The following L3MBTL2 variants were observed in gnomAD, a reference collection of about 807,000 sequenced individuals.
The protein encoded by L3MBTL2 is L3MBTL histone methyl-lysine binding protein 2, also known as lethal(3)malignant brain tumor-like protein 2.
Under a neutral mutation model 86.4 loss-of-function variants are expected in L3MBTL2, and 49 were observed. That is an observed-to-expected ratio of 0.57 (90% CI 0.45 to 0.72). The LOEUF is 0.72. L3MBTL2 is among the 30% of genes least tolerant of loss of function. L3MBTL2 has a pLI of 0.00. For synonymous variants in L3MBTL2, 336 were observed against 350.6 expected (o/e 0.96, Z 0.47); for missense variants, 755 against 923.7 (o/e 0.82, Z 2.37).
chr22:41,225,116 G>A lies in L3MBTL2; in HGVS notation c.1356+45G>A, dbSNP rs1270094217. ...TCCAGCCTCCAGATTTCTGAGCGGG[G>A]GGACCCATGTGGCCCAGAGCTCTAA... On this transcript the variant is annotated intron_variant, in intron 11 of 16. Coordinates refer to ENST00000216237, the MANE Select transcript of L3MBTL2 (RefSeq NM_031488.5). The surrounding 1 kb of genome is among the most constrained non-coding windows in gnomAD (Gnocchi z 4.1). 2.0e-6 allele frequency: 3 copies of A among 1,527,578 alleles called. No individual in the cohort carries two copies. Among genetic ancestry groups the A allele is most frequent in the Admixed American group, 3.5e-5 (2 of 57,108 alleles). The allele number at this position is 1,527,578 out of a possible 1,614,324, so 94.6% of individuals were successfully genotyped here. A position where few individuals can be genotyped will look rare whatever the true frequency, so the allele number is the denominator to read the frequency against.
Position 41,210,147 on chromosome 22 carries a change from T to C in L3MBTL2, c.262+214T>C, listed in dbSNP as rs901736457. 44 of 378,074 alleles carry C rather than the reference T, an allele frequency of 1.2e-4. No homozygotes were observed. The Middle Eastern group carries it at 2.9e-3, about 25-fold the overall frequency. 23.4% of individuals were successfully genotyped at this position (378,074 alleles called of 1,614,324 possible). The stretch of plus-strand genomic sequence containing the variant: ...TCCTTTGCTGAAGTCTAATTTCTTT[T>C]TTTTTTTTTTTTTTTTTTTGAGACT... On this transcript the variant is annotated intron_variant, in intron 2 of 16. Transcript: ENST00000216237.
chr22:41,213,393 A>G (rs2031067851), intron 2 of L3MBTL2, among the ~76,000 whole-genome samples: 1 of 150,944 alleles, frequency 6.6e-6, no homozygotes, highest in South Asian at 2.1e-4. Context: ...TGGTGCAGTC[A>G]TGGCTCACTG....
At position 41,225,503 on chromosome 22, in the gene L3MBTL2, G is replaced by A. The variant is rs1003920059; in HGVS notation, c.1357-291G>A. 5.3e-5 allele frequency among the ~76,000 whole-genome samples: 8 copies of A among 152,150 alleles called. No homozygotes were observed. The highest frequency in any genetic ancestry group is 1.0e-4 in the Non-Finnish European group (7 of 68,026). On this transcript the variant is annotated intron_variant, in intron 11 of 16. Transcript: ENST00000216237. This position sits in a 1 kb window ranked among gnomAD's most constrained non-coding sequence, Gnocchi z 4.1. The stretch of plus-strand genomic sequence containing the variant: ...GAGGCTGCTGACTCGTCCTCGCCGC[G>A]GATCCGCTCCATGCCGGGCGCGTGT...
At chr22:41,211,852 C>CAGCTAGATCA (rs2030871099) in intron 2 of L3MBTL2, among the ~76,000 whole-genome samples, 1 of 138,688 alleles carries the variant, frequency 7.2e-6, no homozygotes, top group Admixed American at 7.5e-5. Flanking sequence ...CCACCGCACC[C>CAGCTAGATCA]GGCCTTTTTT....
At chr22:41,228,597 T>C in intron 15 of L3MBTL2, 1 of 844,010 alleles carries the variant, frequency 1.2e-6, no homozygotes, top group Non-Finnish European at 1.4e-6. Context: ...ACACCTGTAA[T>C]CCCATCACTT....
At position 41,227,377 on chromosome 22, in the gene L3MBTL2, C is replaced by T; in HGVS notation, c.1822+54C>T. 6 of 1,480,000 alleles carry T rather than the reference C, an allele frequency of 4.1e-6. No individual in the cohort carries two copies. The highest frequency in any genetic ancestry group is 5.5e-6 in the Non-Finnish European group (6 of 1,083,398). The allele number at this position is 1,480,000 out of a possible 1,614,324, so 91.7% of individuals were successfully genotyped here. On this transcript the variant is annotated intron_variant, in intron 14 of 16. Transcript: ENST00000216237. The surrounding 1 kb of genome is among the most constrained non-coding windows in gnomAD (Gnocchi z 6.0). ...CTGACTTTCTTTCCTCTTCTTTTTT[C>T]CTTCTTCCCCCGCCCCTGTGCCCAT... is the stretch of plus-strand genomic sequence containing the variant.
At chr22:41,208,561 C>A (rs745646104) in intron 1 of L3MBTL2, 5 of 247,118 alleles carry the variant, frequency 2.0e-5, no homozygotes, top group Non-Finnish European at 4.1e-5. Context: ...TTGCCCAAGG[C>A]CCTATAGCTA....
Position 41,221,351 on chromosome 22 carries a change from G to A in L3MBTL2, c.942+64G>A, listed in dbSNP as rs1456220271. On this transcript the variant is annotated intron_variant, in intron 8 of 16. Transcript: ENST00000216237. ...TCTTCCATTTTTCTGCATCCTGCATGCCACTCACTGGAGCATGTTACCTAA... is the reference window on the plus strand; with the variant it reads ...TCTTCCATTTTTCTGCATCCTGCATACCACTCACTGGAGCATGTTACCTAA... 9 of 1,339,160 alleles carry A rather than the reference G, an allele frequency of 6.7e-6. No homozygotes were observed. The African/African-American group carries it at 7.2e-5, about 11-fold the overall frequency. 83.0% of individuals were successfully genotyped at this position (1,339,160 alleles called of 1,614,324 possible). A position where few individuals can be genotyped will look rare whatever the true frequency, so the allele number is the denominator to read the frequency against.
chr22:41,224,857 G>C lies in L3MBTL2; in HGVS notation c.1251+56G>C. 1 of 1,565,706 alleles carries C rather than the reference G, an allele frequency of 6.4e-7. No homozygotes were observed. The highest frequency in any genetic ancestry group is 2.2e-5 in the East Asian group (1 of 44,558). On this transcript the variant is annotated intron_variant, in intron 10 of 16. Transcript: ENST00000216237. This position sits in a 1 kb window ranked among gnomAD's most constrained non-coding sequence, Gnocchi z 4.9. Reference sequence around the variant, plus strand: ...TCAGCCATGGGTCCATTCCGGGCCTGAGGGACCTGGCTCTTCCCCTGGGAC... The same window carrying C: ...TCAGCCATGGGTCCATTCCGGGCCTCAGGGACCTGGCTCTTCCCCTGGGAC...
chr22:41,225,380 C>T lies in L3MBTL2; in HGVS notation c.1356+309C>T, dbSNP rs1180228707. 2.6e-5 allele frequency among the ~76,000 whole-genome samples: 4 copies of T among 152,174 alleles called. No individual in the cohort carries two copies. The highest frequency in any genetic ancestry group is 7.2e-5 in the African/African-American group (3 of 41,444). On this transcript the variant is annotated intron_variant, in intron 11 of 16. Transcript: ENST00000216237. This position sits in a 1 kb window ranked among gnomAD's most constrained non-coding sequence, Gnocchi z 4.1. ...CTTGCTGTGTGCCATCTCCTTTGAG[C>T]GCTGGCCTAGGCAAGAGCCACAGCT...
intron 16 of L3MBTL2, 120 bp from the exon 17 acceptor site, chr22:41,230,019 G>A: frequency 6.7e-6 from 5 of 749,032 alleles, no homozygotes; most frequent in Non-Finnish European, 1.1e-5. Context: ...GAAGCTGGAG[G>A]GTGAAGGTGC....
In L3MBTL2 at chr22:41,220,819, C is replaced by T. The variant is rs750015826; in HGVS notation, c.804C>T (p.His268=). ...FWCNLGTVDV[H]PIGWCAINSK... The stretch of plus-strand genomic sequence containing the variant: ...GCAACCTGGGAACAGTGGATGTCCA[C>T]CCCATTGGCTGGTGTGCCATCAACA... The change falls in exon 7 of 17, where the codon CAC becomes CAT. Residue 268 remains histidine, a synonymous_variant. Transcript: ENST00000216237. 6.8e-6 allele frequency: 11 copies of T among 1,613,918 alleles called. No homozygotes were observed. In the African/African-American group the frequency reaches 1.3e-4, roughly 20 times the overall value.
rs1740435784 is a variant in L3MBTL2, at chr22:41,219,509, T to A, written c.691T>A (p.Trp231Arg). 8.1e-6 allele frequency: 13 copies of A among 1,613,542 alleles called. No homozygotes were observed. Among genetic ancestry groups the A allele is most frequent in the African/African-American group, 1.3e-5 (1 of 74,914 alleles). ...TGCTGTGCTCCCCAGCCGGGTGTAC[T>A]GGATCGCCTCTGTCATCCAGACAGC... The part of the protein sequence containing the change: ...SDAVLPSRVY[W>R]IASVIQTAGY... The change falls in exon 6 of 17, where the codon TGG becomes AGG. Residue 231 changes from tryptophan to arginine, a missense_variant. Physicochemically the swap from Trp to Arg is moderately radical, Grantham distance 101 (BLOSUM62 -3). Coordinates refer to ENST00000216237, the MANE Select transcript of L3MBTL2 (RefSeq NM_031488.5).
chr22:41,207,274 C>T (rs1363730105), intron 1 of L3MBTL2, among the ~76,000 whole-genome samples: 1 of 129,272 alleles, frequency 7.7e-6, no homozygotes, highest in African/African-American at 2.9e-5. Context: ...AACAGGGTTG[C>T]TCTCTGTCAC....
At chr22:41,217,070 T>C in intron 4 of L3MBTL2, 53 bp from the exon 5 acceptor site, 1 of 1,489,598 alleles carries the variant, frequency 6.7e-7, no homozygotes, top group Non-Finnish European at 9.3e-7. Flanking sequence ...TCCAGGCTCC[T>C]GGAGTGGCTG....
At chr22:41,205,469 G>A (rs2030128617) in intron 1 of L3MBTL2, 83 bp downstream of exon 1, 1 of 1,497,510 alleles carries the variant, frequency 6.7e-7, no homozygotes, top group Non-Finnish European at 9.3e-7. Flanking sequence ...GGCTTTTAGC[G>A]ACGCCTGGAG....
chr22:41,226,563 C>G (rs1025067085), intron 12 of L3MBTL2, 99 bp from the exon 13 acceptor site: 28 of 855,382 alleles, frequency 3.3e-5, no homozygotes, highest in Non-Finnish European at 5.2e-5. Flanking sequence ...ATGCTGGGTC[C>G]TGACCAAGCT....
Position 41,225,994 on chromosome 22 carries a change from T to C in L3MBTL2, c.1504+53T>C. ...GTCCTTGCCATCAGAAGGGGCAGGGTGTCCAGGCGCGGTGGCTCCCGCCTG... is the reference window on the plus strand; with the variant it reads ...GTCCTTGCCATCAGAAGGGGCAGGGCGTCCAGGCGCGGTGGCTCCCGCCTG... On this transcript the variant is annotated intron_variant, in intron 12 of 16. Transcript: ENST00000216237. This position sits in a 1 kb window ranked among gnomAD's most constrained non-coding sequence, Gnocchi z 4.1. The C allele has an allele frequency of 6.3e-7, 1 of 1,589,630 alleles. No individual in the cohort carries two copies.
chr22:41,209,901 C>A lies in L3MBTL2; in HGVS notation c.230C>A (p.Pro77His), dbSNP rs754408349. The change falls in exon 2 of 17, where the codon CCT (proline) becomes CAT (histidine). Residue 77 changes from proline (P) to histidine (H), a missense_variant. This residue lies in a region of L3MBTL2 where 103 missense variants were observed against 105.2 expected (regional missense o/e 0.98). Coordinates refer to ENST00000216237, the MANE Select transcript of L3MBTL2 (RefSeq NM_031488.5). Reference sequence around the variant, plus strand: ...CTGCATTTGCTCAGCCCTGGGACTCCTCGCTCCTTGGATGGCAGTGGTTCT... The same window carrying A: ...CTGCATTTGCTCAGCCCTGGGACTCATCGCTCCTTGGATGGCAGTGGTTCT... ...SPLHLLSPGT[P>H]RSLDGSGSEP... 5.6e-6 allele frequency: 9 copies of A among 1,613,850 alleles called. No individual in the cohort carries two copies. In the East Asian group the frequency reaches 1.6e-4, roughly 28 times the overall value.
Sources: gnomAD v4.1 joint callset for allele counts (sites outside exome capture counted in the v4.1 genomes callset) on GRCh38, gnomAD v4.1.1 for gene constraint, gnomAD v4.1.1 regional missense constraint, Gnocchi (gnomAD v3.1) non-coding constraint, MANE v1.5 for transcripts, NCBI Gene and HGNC (gene_info 2026-07-23, HGNC 2026-07-21) for gene names.